Variants in SDK2 observed in about 807,000 individuals in gnomAD.
SDK2 encodes the protein protein sidekick-2.
In SDK2, 105 loss-of-function variants were observed where a neutral mutation model predicts 253.9. The observed-to-expected ratio is 0.41, with a 90% confidence interval of 0.35 to 0.49. The LOEUF (loss-of-function observed/expected upper bound fraction) is 0.49. Among genes scored for constraint, SDK2 ranks in the 20% least tolerant of loss-of-function variants. The pLI is 0.06. For synonymous variants in SDK2, 1,249 were observed against 1,234.9 expected (o/e 1.01, Z -0.24); for missense variants, 2,608 against 3,003.0 (o/e 0.87, Z 3.07).
intron 6 of SDK2, 72 bp downstream of exon 6, chr17:73,440,740 C>G: frequency 8.7e-7 from 1 of 1,144,872 alleles, no homozygotes; most frequent in Non-Finnish European, 1.3e-6. Context: ...TGGCTGCTCT[C>G]CCTGGAGCCC....
chr17:73,359,343 C>A (rs2062621544), intron 39 of SDK2, among the ~76,000 whole-genome samples: 1 of 152,150 alleles, frequency 6.6e-6, no homozygotes, highest in Non-Finnish European at 1.5e-5. Flanking sequence ...CCCGCCTGGC[C>A]CCTATGCCCA....
At position 73,472,158 on chromosome 17, in the gene SDK2, G is replaced by A; in HGVS notation, c.285C>T (p.Asn95=). 1 of 1,551,660 alleles carries A rather than the reference G, an allele frequency of 6.4e-7. No individual in the cohort carries two copies. The highest frequency in any genetic ancestry group is 1.4e-5 in the African/African-American group (1 of 73,152). The part of the protein sequence containing the change: ...HAGFYRCIVR[N]RMGALLQRQT... ...GCCGCTGCAGCAGGGCCCCCATTCG[G>A]TTCCGCACGATGCAACGGTAAAAGC... The change falls in exon 3 of 45, where the codon AAC becomes AAT. Residue 95 remains asparagine, a synonymous_variant. Coordinates refer to ENST00000392650, the MANE Select transcript of SDK2 (RefSeq NM_001144952.2).
rs1275712460 is a variant in SDK2, at chr17:73,357,886, A to G, written c.5593+193T>C. The G allele has an allele frequency of 2.7e-5, 22 of 826,044 alleles. No homozygotes were observed. The African/African-American group carries it at 3.4e-4, about 13-fold the overall frequency. The allele number at this position is 826,044 out of a possible 1,614,324, so 51.2% of individuals were successfully genotyped here. On this transcript the variant is annotated intron_variant, in intron 40 of 44. Coordinates refer to ENST00000392650, the MANE Select transcript of SDK2 (RefSeq NM_001144952.2). Reference sequence around the variant, plus strand: ...GTTCTCTGGGGGCCTCCTGGGGGTTACTTAGCTAGGAGTCCAGCTCTAGGA... The same window carrying G: ...GTTCTCTGGGGGCCTCCTGGGGGTTGCTTAGCTAGGAGTCCAGCTCTAGGA...
In SDK2 at chr17:73,531,961, A is replaced by G. The variant is rs533386761; in HGVS notation, c.65-24364T>C. On this transcript the variant is annotated intron_variant, in intron 1 of 44. Coordinates refer to ENST00000392650, the MANE Select transcript of SDK2 (RefSeq NM_001144952.2). ...GCCCTAGAGTGGCTGAGGTGCCTGT[A>G]CCTATCGGCGCCTTCTAATCTCCAT... Among the ~76,000 whole-genome samples, 11 of 152,150 alleles carry G rather than the reference A, an allele frequency of 7.2e-5. No homozygotes were observed. The East Asian group carries it at 1.7e-3, about 24-fold the overall frequency.
At chr17:73,551,824 A>G (rs2145837875) in intron 1 of SDK2, among the ~76,000 whole-genome samples, 1 of 152,138 alleles carries the variant, frequency 6.6e-6, no homozygotes, top group Non-Finnish European at 1.5e-5. Context: ...CTGCTTTCCA[A>G]ACTCAGCTTC....
At chr17:73,597,908 G>A (rs1165510811) in intron 1 of SDK2, among the ~76,000 whole-genome samples, 1 of 152,146 alleles carries the variant, frequency 6.6e-6, no homozygotes, top group Non-Finnish European at 1.5e-5. Flanking sequence ...GCCTCCCAAA[G>A]TGCTGGGATT....
In SDK2 at chr17:73,390,390, C is replaced by T. The variant is rs374855753; in HGVS notation, c.4089G>A (p.Thr1363=). ...LAPSARQYTA[T]GLKPESVYLF... is the part of the protein sequence containing the mutation. Reference sequence around the variant, plus strand: ...GGTAGACAGACTCTGGCTTGAGGCCCGTGGCTGTGTACTGCCGGGCGCTGG... The same window carrying T: ...GGTAGACAGACTCTGGCTTGAGGCCTGTGGCTGTGTACTGCCGGGCGCTGG... Residue 1363 remains threonine (T), a synonymous_variant, in exon 29 of 45, where the codon ACG becomes ACA. Transcript: ENST00000392650. The T allele has an allele frequency of 3.3e-5, 53 of 1,612,538 alleles. No homozygotes were observed. Among genetic ancestry groups the T allele is most frequent in the South Asian group, 8.8e-5 (8 of 90,888 alleles).
At chr17:73,545,095 G>GCGCACACACACACACACACA (rs2044936386) in intron 1 of SDK2, among the ~76,000 whole-genome samples, 1 of 75,312 alleles carries the variant, frequency 1.3e-5, no homozygotes, top group African/African-American at 8.9e-5. Flanking sequence ...GCGTGCACGT[G>GCGCACACACACACACACACA]CACGCACACA....
Position 73,618,114 on chromosome 17 carries a change from A to G in SDK2, c.64+25911T>C, listed in dbSNP as rs1470298046. ...AGAGGTGCTTAATTTAATACCAGGC[A>G]AATGCAAGAGACCTTGAACCAATAG... On this transcript the variant is annotated intron_variant, in intron 1 of 44. Transcript: ENST00000392650. The surrounding 1 kb of genome is among the most constrained non-coding windows in gnomAD (Gnocchi z 4.1). Among the ~76,000 whole-genome samples the G allele has an allele frequency of 6.6e-6, 1 of 152,198 alleles. No individual in the cohort carries two copies. Among genetic ancestry groups the G allele is most frequent in the Non-Finnish European group, 1.5e-5 (1 of 68,028 alleles).
intron 1 of SDK2, among the ~76,000 whole-genome samples, chr17:73,565,214 G>A (rs972994173): frequency 2.2e-4 from 33 of 152,196 alleles, no homozygotes; most frequent in African/African-American, 8.0e-4. Context: ...GAGCCAGAGG[G>A]AGGAGACCTG....
At position 73,379,591 on chromosome 17, in the gene SDK2, C is replaced by T. The variant is rs772810009; in HGVS notation, c.4763-42G>A. On this transcript the variant is annotated intron_variant, in intron 34 of 44. Transcript: ENST00000392650. This position sits in a 1 kb window ranked among gnomAD's most constrained non-coding sequence, Gnocchi z 4.5. ...GGGAGGGGAAGCACACTGAGGTCAC[C>T]GTCATTGCTGGGAAGGTGTCCCCAG... The T allele has an allele frequency of 3.5e-5, 44 of 1,274,202 alleles. No individual in the cohort carries two copies. Among genetic ancestry groups the T allele is most frequent in the East Asian group, 4.7e-5 (2 of 42,978 alleles). The allele number at this position is 1,274,202 out of a possible 1,614,324, so 78.9% of individuals were successfully genotyped here.
chr17:73,345,570 G>T (rs2145381088), intron 44 of SDK2, among the ~76,000 whole-genome samples: 1 of 152,288 alleles, frequency 6.6e-6, no homozygotes, highest in South Asian at 2.1e-4. Context: ...TTGAGTAAAT[G>T]CATCAAGGAA....
intron 4 of SDK2, among the ~76,000 whole-genome samples, chr17:73,453,591 G>A (rs2063503623): frequency 6.6e-6 from 1 of 152,114 alleles, no homozygotes; most frequent in Admixed American, 6.5e-5. Context: ...TGGCCAGGCT[G>A]GTCTTGAACT....
At chr17:73,537,797 A>T (rs901968071) in intron 1 of SDK2, among the ~76,000 whole-genome samples, 2 of 152,132 alleles carry the variant, frequency 1.3e-5, no homozygotes, top group African/African-American at 4.8e-5. Flanking sequence ...CTTCAAATTC[A>T]CTTTGCTCTT....
At chr17:73,344,736 A>G (rs537442940) in intron 44 of SDK2, among the ~76,000 whole-genome samples, 1 of 152,320 alleles carries the variant, frequency 6.6e-6, no homozygotes, top group African/African-American at 2.4e-5. Flanking sequence ...TGGTCAGGCT[A>G]TCAACGAGGT....
At chr17:73,488,751 C>A (rs1419360373) in intron 2 of SDK2, among the ~76,000 whole-genome samples, 1 of 152,184 alleles carries the variant, frequency 6.6e-6, no homozygotes, top group Non-Finnish European at 1.5e-5. Context: ...GTTTCTTAAC[C>A]ATTTAATATG....
chr17:73,369,418 G>A (rs544608324), intron 36 of SDK2, among the ~76,000 whole-genome samples: 3 of 152,352 alleles, frequency 2.0e-5, no homozygotes, highest in East Asian at 1.9e-4. Flanking sequence ...CCAAGACGGC[G>A]GGCAGCGGGA....
intron 1 of SDK2, among the ~76,000 whole-genome samples, chr17:73,533,301 C>T (rs62070887): frequency 0.29 from 43,760 of 152,222 alleles, 7,574 homozygotes; most frequent in South Asian, 0.43. Context: ...TCTGGGGCCC[C>T]GGGGCCGACT....
chr17:73,340,747 T>TTTC (rs1373314115), intron 44 of SDK2, among the ~76,000 whole-genome samples: 3 of 137,304 alleles, frequency 2.2e-5, no homozygotes, highest in Non-Finnish European at 4.7e-5. Flanking sequence ...TTTTTTTTTT[T>TTTC]TTTTTTTTTT....
Sources: allele counts gnomAD v4.1 joint callset (sites outside exome capture counted in the v4.1 genomes callset), GRCh38; gene constraint gnomAD v4.1.1; non-coding constraint Gnocchi (gnomAD v3.1); transcripts MANE v1.5; gene names NCBI Gene and HGNC (gene_info 2026-07-23, HGNC 2026-07-21).